Variants in CCSER1 observed in about 807,000 individuals in gnomAD.
CCSER1 encodes the protein serine-rich coiled-coil domain-containing protein 1.
Under a neutral mutation model 82.0 loss-of-function variants are expected in CCSER1, and 41 were observed. The ratio of observed to expected loss-of-function variants is 0.50; its 90% confidence interval spans 0.39 to 0.65. The LOEUF is 0.65. CCSER1 is among the 30% of genes least tolerant of loss of function. The pLI, the probability that CCSER1 is intolerant of heterozygous loss-of-function variation, is 0.00. For missense variants in CCSER1, 1,119 were observed against 1,064.2 expected, an observed-to-expected ratio of 1.05 and a Z score of -0.72; for synonymous variants, 414 against 383.9, an observed-to-expected ratio of 1.08 and a Z score of -0.92.
intron 6 of CCSER1, among the ~76,000 whole-genome samples, chr4:90,699,945 C>G (rs1215801410): frequency 1.3e-5 from 2 of 151,912 alleles, no homozygotes; most frequent in Non-Finnish European, 2.9e-5. Context: ...TGGGCCCTTA[C>G]CAGATATTGA....
At chr4:90,173,333 T>G (rs1208402358) in intron 1 of CCSER1, among the ~76,000 whole-genome samples, 1 of 135,282 alleles carries the variant, frequency 7.4e-6, no homozygotes, top group Non-Finnish European at 1.5e-5. Flanking sequence ...CAATTGTGTT[T>G]TTTTTCAAAA....
At chr4:90,823,676 G>A (rs559362053) in intron 8 of CCSER1, among the ~76,000 whole-genome samples, 2 of 151,842 alleles carry the variant, frequency 1.3e-5, no homozygotes, top group East Asian at 3.9e-4. Context: ...GGGATGTTTG[G>A]ACATTTTAGT....
intron 10 of CCSER1, among the ~76,000 whole-genome samples, chr4:91,206,108 G>A (rs1165470031): frequency 1.3e-5 from 2 of 151,834 alleles, no homozygotes; most frequent in Admixed American, 6.6e-5. Context: ...CAGAATGTTC[G>A]GGGAAGTGAA....
At chr4:90,333,928 C>T (rs1903578) in intron 3 of CCSER1, among the ~76,000 whole-genome samples, 23,346 of 152,056 alleles carry the variant, frequency 0.15, 2,038 homozygotes, top group Middle Eastern at 0.25. Context: ...TGCAAGTTAC[C>T]TTTTAACTTC....
chr4:91,269,823 A>G (rs565163115), intron 10 of CCSER1, among the ~76,000 whole-genome samples: 4 of 152,292 alleles, frequency 2.6e-5, no homozygotes, highest in South Asian at 4.1e-4. Flanking sequence ...AAAAAAATTC[A>G]TACCCCTTTA....
intron 5 of CCSER1, among the ~76,000 whole-genome samples, chr4:90,531,161 G>T (rs967597678): frequency 3.5e-5 from 5 of 144,362 alleles, no homozygotes; most frequent in Non-Finnish European, 7.6e-5. Context: ...TTGGCCTTTT[G>T]TTTTTTTTTT....
chr4:91,530,410 G>T (rs1207689641), intron 10 of CCSER1, among the ~76,000 whole-genome samples: 1 of 151,898 alleles, frequency 6.6e-6, no homozygotes, highest in Non-Finnish European at 1.5e-5. Context: ...ATTTATTAAA[G>T]TCAATTCCCA....
At chr4:90,176,574 G>A (rs1732711145) in intron 1 of CCSER1, among the ~76,000 whole-genome samples, 1 of 151,976 alleles carries the variant, frequency 6.6e-6, no homozygotes. Context: ...TTTTTGGAGA[G>A]CAAATTTGGT....
intron 9 of CCSER1, among the ~76,000 whole-genome samples, chr4:90,985,091 G>A (rs1736471482): frequency 6.6e-6 from 1 of 151,600 alleles, no homozygotes. Flanking sequence ...TCTCTCTGTC[G>A]TTTTATTTTA....
intron 1 of CCSER1, among the ~76,000 whole-genome samples, chr4:90,171,866 A>G (rs1475766654): frequency 6.6e-6 from 1 of 151,962 alleles, no homozygotes; most frequent in Admixed American, 6.6e-5. Flanking sequence ...TAAGGGCTAG[A>G]AAGTAAAGAA....
intron 9 of CCSER1, among the ~76,000 whole-genome samples, chr4:90,954,617 AC>A (rs1377534772): frequency 2.0e-5 from 3 of 152,106 alleles, no homozygotes; most frequent in African/African-American, 7.2e-5. Context: ...TTCAGCTTCC[AC>A]TTAGTGTAGG....
intron 8 of CCSER1, among the ~76,000 whole-genome samples, chr4:90,861,042 C>G (rs146798592): frequency 1.1e-3 from 167 of 151,448 alleles, no homozygotes; most frequent in African/African-American, 3.8e-3. Context: ...AACAATTATA[C>G]AAATGATAAT....
At chr4:90,573,460 A>G (rs1388690355) in intron 5 of CCSER1, among the ~76,000 whole-genome samples, 1 of 152,196 alleles carries the variant, frequency 6.6e-6, no homozygotes, top group Non-Finnish European at 1.5e-5. Context: ...TCATTTCCAC[A>G]AAGTGGATAT....
At chr4:90,168,951 T>C (rs150322739) in intron 1 of CCSER1, among the ~76,000 whole-genome samples, 46,410 of 150,720 alleles carry the variant, frequency 0.31, 8,392 homozygotes, top group East Asian at 0.64. Context: ...ATTGACGTGG[T>C]GATGCGGGCT....
At chr4:90,606,505 A>T (rs1046897877) in intron 5 of CCSER1, among the ~76,000 whole-genome samples, 2 of 152,188 alleles carry the variant, frequency 1.3e-5, no homozygotes, top group African/African-American at 4.8e-5. Flanking sequence ...TCCATTATTG[A>T]CCAAAATGTC....
chr4:91,366,366 G>A (rs1352606146), intron 10 of CCSER1, among the ~76,000 whole-genome samples: 1 of 152,012 alleles, frequency 6.6e-6, no homozygotes, highest in Non-Finnish European at 1.5e-5. Flanking sequence ...TTTTTTGAGT[G>A]GGCTTTGGAA....
chr4:90,623,153 G>T (rs927541743), intron 5 of CCSER1, among the ~76,000 whole-genome samples: 1 of 150,618 alleles, frequency 6.6e-6, no homozygotes, highest in Admixed American at 6.7e-5. Context: ...TCAGCCTCCA[G>T]AGTAGCTGGG....
At chr4:90,666,561 T>C (rs1440291341) in intron 6 of CCSER1, among the ~76,000 whole-genome samples, 2 of 152,200 alleles carry the variant, frequency 1.3e-5, no homozygotes, top group African/African-American at 4.8e-5. Context: ...TAGAGGATGA[T>C]ACCAGCATGA....
At chr4:90,730,509 G>A (rs1401201901) in intron 7 of CCSER1, among the ~76,000 whole-genome samples, 3 of 152,118 alleles carry the variant, frequency 2.0e-5, no homozygotes, top group Non-Finnish European at 2.9e-5. Context: ...TCAACAACAC[G>A]AACTAAATCC....
Sources: gnomAD v4.1 joint callset for allele counts (sites outside exome capture counted in the v4.1 genomes callset) on GRCh38, gnomAD v4.1.1 for gene constraint, MANE v1.5 for transcripts, NCBI Gene and HGNC (gene_info 2026-07-23, HGNC 2026-07-21) for gene names.